Variants in OSBPL6 observed in about 807,000 individuals in gnomAD.
OSBPL6 encodes the protein oxysterol binding protein like 6.
A neutral mutation model predicts 125.8 loss-of-function variants in OSBPL6; 49 were observed. That is an observed-to-expected ratio of 0.39 (90% CI 0.31 to 0.49). The LOEUF (loss-of-function observed/expected upper bound fraction) is 0.49. OSBPL6 is among the 20% of genes least tolerant of loss of function. The probability of loss-of-function intolerance (pLI) is 0.88; values close to 1 mark genes in which losing one functional copy is unlikely to be tolerated. For synonymous variants in OSBPL6, 394 were observed against 391.8 expected, an observed-to-expected ratio of 1.01 and a Z score of -0.07; for missense variants, 986 against 1,135.4, an observed-to-expected ratio of 0.87 and a Z score of 1.89.
At chr2:178,263,461 A>G (rs1031576164) in intron 1 of OSBPL6, among the ~76,000 whole-genome samples, 20 of 152,194 alleles carry the variant, frequency 1.3e-4, no homozygotes, top group Admixed American at 1.2e-3. Context: ...CTGGGCAACA[A>G]AAGCGAAACT....
At chr2:178,381,443 T>C (rs1056005465) in intron 15 of OSBPL6, among the ~76,000 whole-genome samples, 1 of 152,172 alleles carries the variant, frequency 6.6e-6, no homozygotes, top group Non-Finnish European at 1.5e-5. Context: ...AACCTCTGCT[T>C]CCTGGGTTCA....
intron 20 of OSBPL6, among the ~76,000 whole-genome samples, chr2:178,387,500 C>T (rs769316624): frequency 1.3e-5 from 2 of 152,126 alleles, no homozygotes; most frequent in Admixed American, 6.5e-5. Flanking sequence ...AGTATTTTAT[C>T]AAAGAAGAGT....
intron 24 of OSBPL6, among the ~76,000 whole-genome samples, chr2:178,395,065 C>T (rs143025387): frequency 7.0e-4 from 107 of 152,210 alleles, no homozygotes; most frequent in African/African-American, 2.6e-3. Context: ...GACATGGGCC[C>T]AGTAGGGGCT....
At chr2:178,285,519 T>G (rs1409752289) in intron 2 of OSBPL6, among the ~76,000 whole-genome samples, 4 of 152,202 alleles carry the variant, frequency 2.6e-5, no homozygotes, top group Non-Finnish European at 1.5e-5. Flanking sequence ...ATTCTTAAAA[T>G]GCATCCAGTT....
chr2:178,216,825 G>A (rs1201411231), intron 1 of OSBPL6, among the ~76,000 whole-genome samples: 1 of 152,104 alleles, frequency 6.6e-6, no homozygotes, highest in African/African-American at 2.4e-5. Context: ...TCAAATTGAG[G>A]GTGACCTGAG....
intron 1 of OSBPL6, among the ~76,000 whole-genome samples, chr2:178,275,444 G>A (rs529118652): frequency 3.0e-4 from 46 of 152,238 alleles, no homozygotes; most frequent in Admixed American, 8.5e-4. Context: ...CCCGGAAGCC[G>A]GAGGTTGCAG....
chr2:178,371,092 G>C (rs1013584347), intron 13 of OSBPL6, among the ~76,000 whole-genome samples: 5 of 152,350 alleles, frequency 3.3e-5, no homozygotes, highest in Middle Eastern at 3.4e-3. Flanking sequence ...CCCTGAAGCA[G>C]ATGCCCTCTT....
At chr2:178,271,199 A>G (rs1301439253) in intron 1 of OSBPL6, among the ~76,000 whole-genome samples, 3 of 152,170 alleles carry the variant, frequency 2.0e-5, no homozygotes, top group Non-Finnish European at 4.4e-5. Context: ...CTGTCTCGGC[A>G]TTTTAAAATT....
At chr2:178,332,327 C>A (rs1026340007) in intron 6 of OSBPL6, among the ~76,000 whole-genome samples, 1 of 152,148 alleles carries the variant, frequency 6.6e-6, no homozygotes. Flanking sequence ...TATTTTAGGA[C>A]CGCTAAAGAT....
intron 12 of OSBPL6, among the ~76,000 whole-genome samples, chr2:178,350,467 G>A (rs1691149632): frequency 6.6e-6 from 1 of 152,198 alleles, no homozygotes. Context: ...TGGAAAAGAA[G>A]GGGGCACACT....
At chr2:178,224,426 T>C (rs2090467390) in intron 1 of OSBPL6, among the ~76,000 whole-genome samples, 1 of 152,138 alleles carries the variant, frequency 6.6e-6, no homozygotes, top group Non-Finnish European at 1.5e-5. Flanking sequence ...GAAAATGCAA[T>C]GAAAATATTT....
chr2:178,274,694 A>G (rs1052374953), intron 1 of OSBPL6, among the ~76,000 whole-genome samples: 1 of 152,196 alleles, frequency 6.6e-6, no homozygotes, highest in African/African-American at 2.4e-5. Flanking sequence ...CATATTTATA[A>G]CTATGTATTC....
chr2:178,226,107 A>G (rs2090551294), intron 1 of OSBPL6, among the ~76,000 whole-genome samples: 1 of 152,146 alleles, frequency 6.6e-6, no homozygotes, highest in African/African-American at 2.4e-5. Context: ...CCTAGGGCCC[A>G]CTGAGAGCTC....
chr2:178,301,312 A>G (rs952548012), intron 2 of OSBPL6, among the ~76,000 whole-genome samples: 2 of 152,216 alleles, frequency 1.3e-5, no homozygotes, highest in South Asian at 2.1e-4. Flanking sequence ...TCCAAAATAT[A>G]CTGAGTACAA....
At chr2:178,299,988 T>G (rs1367344690) in intron 2 of OSBPL6, among the ~76,000 whole-genome samples, 1 of 152,226 alleles carries the variant, frequency 6.6e-6, no homozygotes, top group African/African-American at 2.4e-5. Flanking sequence ...AAATTCTCTG[T>G]AAATAGTTAC....
chr2:178,238,240 C>G (rs1375499803), intron 1 of OSBPL6, among the ~76,000 whole-genome samples: 2 of 152,190 alleles, frequency 1.3e-5, no homozygotes, highest in African/African-American at 4.8e-5. Context: ...AAATTACTCT[C>G]CATTCTAAGT....
At chr2:178,392,667 A>G (rs116706874) in intron 23 of OSBPL6, 129 bp downstream of exon 23, 32,938 of 1,221,110 alleles carry the variant, frequency 0.027, 766 homozygotes, top group East Asian at 0.14. Flanking sequence ...ACCAGCCTGG[A>G]CAATATAGTG....
intron 1 of OSBPL6, among the ~76,000 whole-genome samples, chr2:178,225,019 C>CTG: frequency 6.6e-6 from 1 of 150,510 alleles, no homozygotes; most frequent in East Asian, 1.9e-4. Context: ...CTCTCTCTCT[C>CTG]TCTCTCTGAG....
chr2:178,225,074 A>G (rs1458215094), intron 1 of OSBPL6, among the ~76,000 whole-genome samples: 1 of 151,964 alleles, frequency 6.6e-6, no homozygotes, highest in East Asian at 1.9e-4. Context: ...GAATCTATAG[A>G]TATGCCAGGA....
Sources: gnomAD v4.1 joint callset for allele counts (sites outside exome capture counted in the v4.1 genomes callset) on GRCh38, gnomAD v4.1.1 for gene constraint, MANE v1.5 for transcripts, NCBI Gene and HGNC (gene_info 2026-07-23, HGNC 2026-07-21) for gene names.